R3HDM2: variants seen among roughly 807,000 people sequenced by gnomAD.
R3HDM2 encodes R3H domain-containing protein 2.
In R3HDM2, 38 loss-of-function variants were observed where a neutral mutation model predicts 124.5. The ratio of observed to expected loss-of-function variants is 0.31; its 90% confidence interval spans 0.24 to 0.40. The LOEUF is 0.40. R3HDM2 is among the 10% of genes least tolerant of loss of function. The probability of loss-of-function intolerance (pLI) is 1.00; values close to 1 mark genes in which losing one functional copy is unlikely to be tolerated. For missense variants in R3HDM2, 869 were observed against 1,236.9 expected, an observed-to-expected ratio of 0.70 and a Z score of 4.46; for synonymous variants, 391 against 448.0, an observed-to-expected ratio of 0.87 and a Z score of 1.61.
chr12:57,366,391 C>T (rs1041075186), intron 2 of R3HDM2, among the ~76,000 whole-genome samples: 5 of 152,208 alleles, frequency 3.3e-5, no homozygotes, highest in Non-Finnish European at 5.9e-5. Context: ...AATTTTTCTT[C>T]TGCTGTGCCG....
intron 1 of R3HDM2, among the ~76,000 whole-genome samples, chr12:57,402,676 G>A (rs1359123257): frequency 2.0e-5 from 3 of 151,648 alleles, no homozygotes; most frequent in Non-Finnish European, 4.4e-5. Flanking sequence ...AGGCTGAGGC[G>A]GGAGAATCAC....
chr12:57,404,387 A>C (rs1488184346), intron 1 of R3HDM2, among the ~76,000 whole-genome samples: 1 of 150,584 alleles, frequency 6.6e-6, no homozygotes, highest in African/African-American at 2.4e-5. Flanking sequence ...TTTTAACTAT[A>C]GGTTCAGCGC....
intron 2 of R3HDM2, among the ~76,000 whole-genome samples, chr12:57,358,126 G>A (rs1015495440): frequency 4.1e-5 from 6 of 145,404 alleles, no homozygotes; most frequent in Non-Finnish European, 7.5e-5. Context: ...CTACAGGCGC[G>A]TGACGCTACG....
intron 1 of R3HDM2, among the ~76,000 whole-genome samples, chr12:57,423,089 A>C (rs2070363593): frequency 6.6e-6 from 1 of 152,204 alleles, no homozygotes. Flanking sequence ...GGTCAACAGT[A>C]ATGAATGCTG....
intron 1 of R3HDM2, among the ~76,000 whole-genome samples, chr12:57,425,303 G>T (rs1339277434): frequency 1.3e-5 from 2 of 151,850 alleles, no homozygotes; most frequent in African/African-American, 2.4e-5. Flanking sequence ...CACAAAATGA[G>T]AACTACTAAT....
At chr12:57,348,073 A>AT in intron 2 of R3HDM2, among the ~76,000 whole-genome samples, 1 of 152,040 alleles carries the variant, frequency 6.6e-6, no homozygotes, top group Non-Finnish European at 1.5e-5. Flanking sequence ...ATCGTTCTGT[A>AT]TTTTTTTCTG....
chr12:57,268,183 T>C (rs553493928), intron 18 of R3HDM2, 120 bp downstream of exon 18: 18 of 1,068,920 alleles, frequency 1.7e-5, no homozygotes, highest in East Asian at 1.5e-4. Context: ...CTACCTGCTT[T>C]AGGGAACTAC....
At position 57,387,978 on chromosome 12, in the gene R3HDM2, T is replaced by TTA. The variant is rs397727933; in HGVS notation, c.-36+7770_-36+7771insTA. Reference sequence around the variant, plus strand: ...ACAGACAAAAAAAATTTTTTTTTTTTAAAAAGACAAAGTCTTGCTCTTGTC... The same window carrying TTA: ...ACAGACAAAAAAAATTTTTTTTTTTTTAAAAAAGACAAAGTCTTGCTCTTGTC... On this transcript the variant is annotated intron_variant, in intron 2 of 23. Coordinates refer to ENST00000402412, the MANE Select transcript of R3HDM2 (RefSeq NM_001394031.1). Among the ~76,000 whole-genome samples the TTA allele has an allele frequency of 6.7e-4, 101 of 151,366 alleles. 1 individual carries two copies. The East Asian group carries it at 0.018, about 27-fold the overall frequency.
Position 57,313,198 on chromosome 12 carries a change from G to A in R3HDM2, c.-35-2735C>T, listed in dbSNP as rs541581379. ...GTAAATCAAGCCTCAGTTCTCTTCA[G>A]TCTGAAGTACTAGTAAAACTCAGCA... On this transcript the variant is annotated intron_variant, in intron 2 of 23. Transcript: ENST00000402412. Among the ~76,000 whole-genome samples the A allele has an allele frequency of 2.6e-5, 4 of 152,174 alleles. No homozygotes were observed. In the East Asian group the frequency reaches 7.7e-4, roughly 29 times the overall value.
At chr12:57,275,232 T>C (rs1021618288) in intron 14 of R3HDM2, among the ~76,000 whole-genome samples, 33 of 152,254 alleles carry the variant, frequency 2.2e-4, no homozygotes, top group African/African-American at 7.7e-4. Context: ...GACACCCTTT[T>C]CAACAAATGG....
rs147453798 is a variant in R3HDM2 at position 57,347,155 on chromosome 12, A to G, written c.-35-36692T>C. On this transcript the variant is annotated intron_variant, in intron 2 of 23. Transcript: ENST00000402412. ...CAGCTACTCAGGAGGCTGAGGAGGG[A>G]GGATCACTTGAGTCCAGGAGTTTGA... Among the ~76,000 whole-genome samples, 1,249 of 152,206 alleles carry G rather than the reference A, an allele frequency of 8.2e-3. 16 individuals carry two copies. Among genetic ancestry groups the G allele is most frequent in the African/African-American group, 0.028 (1,165 of 41,526 alleles).
At chr12:57,395,520 T>C (rs1323967998) in intron 2 of R3HDM2, among the ~76,000 whole-genome samples, 1 of 151,500 alleles carries the variant, frequency 6.6e-6, no homozygotes, top group Non-Finnish European at 1.5e-5. Flanking sequence ...AAAAAGGTGA[T>C]CTGCCCACCT....
At chr12:57,403,851 C>A (rs2068272758) in intron 1 of R3HDM2, among the ~76,000 whole-genome samples, 2 of 151,056 alleles carry the variant, frequency 1.3e-5, no homozygotes, top group Admixed American at 6.6e-5. Context: ...AACTCCATTT[C>A]ATACTTTTTT....
intron 1 of R3HDM2, among the ~76,000 whole-genome samples, chr12:57,408,243 T>C (rs1594555670): frequency 6.6e-6 from 1 of 152,148 alleles, no homozygotes; most frequent in South Asian, 2.1e-4. Flanking sequence ...ATTTTTAAAG[T>C]CTTTGTAGAG....
Position 57,296,590 on chromosome 12 carries a change from A to G in R3HDM2, c.561-39T>C. 1.3e-6 allele frequency: 2 copies of G among 1,537,932 alleles called. No homozygotes were observed. The highest frequency in any genetic ancestry group is 1.8e-6 in the Non-Finnish European group (2 of 1,138,202). On this transcript the variant is annotated intron_variant, in intron 8 of 23. Transcript: ENST00000402412. This position sits in a 1 kb window ranked among gnomAD's most constrained non-coding sequence, Gnocchi z 4.5. ...CGGGGAAAAAAAGTGAAATAAGACA[A>G]ACAACTGCAATAACAACCAATTTTA...
chr12:57,401,221 A>C lies in R3HDM2; in HGVS notation c.-105-5403T>G, dbSNP rs147313825. Among the ~76,000 whole-genome samples, 69 of 152,038 alleles carry C rather than the reference A, an allele frequency of 4.5e-4. No individual in the cohort carries two copies. The East Asian group carries it at 0.012, about 27-fold the overall frequency. ...TGTAGTTCATTTCCCCACCCCTTGA[A>C]TATGAGCTGGCCTTGTGACTTGCTT... On this transcript the variant is annotated intron_variant, in intron 1 of 23. Coordinates refer to ENST00000402412, the MANE Select transcript of R3HDM2 (RefSeq NM_001394031.1).
chr12:57,270,098 T>A, intron 14 of R3HDM2, 104 bp from the exon 15 acceptor site: 1 of 1,373,664 alleles, frequency 7.3e-7, no homozygotes, highest in Non-Finnish European at 1.0e-6. Flanking sequence ...CAACCTTCTT[T>A]AAAACAATGG....
At chr12:57,385,432 G>T (rs1358931109) in intron 2 of R3HDM2, among the ~76,000 whole-genome samples, 1 of 151,402 alleles carries the variant, frequency 6.6e-6, no homozygotes, top group African/African-American at 2.4e-5. Context: ...TTAGTAGAGA[G>T]GGGGTTTCAC....
chr12:57,343,789 G>C (rs1054697347), intron 2 of R3HDM2, among the ~76,000 whole-genome samples: 6 of 146,424 alleles, frequency 4.1e-5, no homozygotes, highest in Admixed American at 3.4e-4. Context: ...AAAAAAAACA[G>C]GTTCTGGCTT....
Sources: allele counts gnomAD v4.1 joint callset (sites outside exome capture counted in the v4.1 genomes callset), GRCh38; gene constraint gnomAD v4.1.1; non-coding constraint Gnocchi (gnomAD v3.1); transcripts MANE v1.5; gene names NCBI Gene and HGNC (gene_info 2026-07-23, HGNC 2026-07-21).